Variants in IBTK observed in about 807,000 individuals in gnomAD.
IBTK encodes BTK-binding protein.
A neutral mutation model predicts 154.9 loss-of-function variants in IBTK; 83 were observed. That is an observed-to-expected ratio of 0.54 (90% CI 0.45 to 0.64). IBTK has a LOEUF of 0.64. Ranked by LOEUF, IBTK falls within the 30% of genes least tolerant of loss-of-function variation. The pLI is 0.00. For missense variants in IBTK, 1,332 were observed against 1,584.6 expected, an observed-to-expected ratio of 0.84 and a Z score of 2.71; for synonymous variants, 515 against 536.1, an observed-to-expected ratio of 0.96 and a Z score of 0.54.
chr6:82,212,243 C>T (rs1471605914), intron 13 of IBTK, among the ~76,000 whole-genome samples: 1 of 152,116 alleles, frequency 6.6e-6, no homozygotes, highest in Non-Finnish European at 1.5e-5. Flanking sequence ...GCCTCGGCCC[C>T]CCAAAGTGCT....
chr6:82,191,385 C>T, intron 24 of IBTK, 169 bp from the exon 25 acceptor site: 1 of 616,310 alleles, frequency 1.6e-6, no homozygotes, highest in Non-Finnish European at 2.7e-6. Flanking sequence ...ATTATTGGAT[C>T]AAAATGCTCA....
chr6:82,175,145 C>T lies in IBTK; in HGVS notation c.3726-1707G>A, dbSNP rs190776097. The T allele has an allele frequency of 1.6e-3, 410 of 260,482 alleles. 3 individuals are homozygous for T. The highest frequency in any genetic ancestry group is 7.6e-3 in the African/African-American group (332 of 43,856). 16.1% of individuals were successfully genotyped at this position (260,482 alleles called of 1,614,324 possible). On this transcript the variant is annotated intron_variant, in intron 26 of 28. Transcript: ENST00000306270. Reference sequence around the variant, plus strand: ...GTCCACCAGAATACTTGGAAATAGTCGTTTATGAAAAATTAATTAGAAAAT... The same window carrying T: ...GTCCACCAGAATACTTGGAAATAGTTGTTTATGAAAAATTAATTAGAAAAT...
intron 2 of IBTK, among the ~76,000 whole-genome samples, chr6:82,239,877 T>C (rs763211036): frequency 1.3e-5 from 2 of 152,218 alleles, no homozygotes; most frequent in Admixed American, 1.3e-4. Context: ...CATTAAATGA[T>C]GTATGGGATT....
chr6:82,200,245 A>G lies in IBTK; in HGVS notation c.2921T>C (p.Met974Thr). The G allele has an allele frequency of 6.2e-7, 1 of 1,610,588 alleles. No homozygotes were observed. Among genetic ancestry groups the G allele is most frequent in the Non-Finnish European group, 8.5e-7 (1 of 1,177,082 alleles). The change falls in exon 21 of 29, where the codon ATG (methionine) becomes ACG (threonine). Residue 974 changes from methionine to threonine, a missense_variant. Met to Thr is a moderately conservative substitution (Grantham distance 81). Coordinates refer to ENST00000306270, the MANE Select transcript of IBTK (RefSeq NM_015525.4). ...INMEQNHSET[M>T]FKKAKTKAKK... ...AGCTTTTGTTTTTGCTTTCTTGAAC[A>G]TAGTTTCCCTAGGAAAAAGCAAACA...
At chr6:82,236,898 T>TAATAA (rs892237317) in intron 2 of IBTK, among the ~76,000 whole-genome samples, 3 of 152,314 alleles carry the variant, frequency 2.0e-5, no homozygotes, top group African/African-American at 7.2e-5. Flanking sequence ...GAATGGTTAA[T>TAATAA]ACAGGATTTA....
At chr6:82,171,843 A>G (rs1562064708) in intron 28 of IBTK, among the ~76,000 whole-genome samples, 3 of 152,352 alleles carry the variant, frequency 2.0e-5, no homozygotes, top group East Asian at 3.9e-4. Context: ...CATTCATTCC[A>G]ATAGCTTTAT....
chr6:82,196,149 A>T, intron 22 of IBTK, 149 bp downstream of exon 22: 1 of 624,064 alleles, frequency 1.6e-6, no homozygotes, highest in Middle Eastern at 4.7e-4. Flanking sequence ...TGTTGTGCAA[A>T]TTTAAGAAAA....
chr6:82,229,511 A>G (rs1770422449), intron 4 of IBTK, among the ~76,000 whole-genome samples: 1 of 152,172 alleles, frequency 6.6e-6, no homozygotes, highest in African/African-American at 2.4e-5. Context: ...CCACAATTCC[A>G]ATCAATCATT....
chr6:82,220,679 C>A lies in IBTK; in HGVS notation c.1159G>T (p.Gly387Cys), dbSNP rs774671938. Residue 387 changes from glycine to cysteine, a missense_variant, in exon 9 of 29, where the codon GGT (glycine) becomes TGT (cysteine). Gly to Cys is a radical substitution (Grantham distance 159, BLOSUM62 -3). Coordinates refer to ENST00000306270, the MANE Select transcript of IBTK (RefSeq NM_015525.4). ...LNLKKVLVSGGHMEYKVDPEH... is the reference protein window; with the variant it reads ...LNLKKVLVSGCHMEYKVDPEH... ...GGATCAACCTTGTATTCCATATGAC[C>A]CCCAGACACAAGAACTTTTTTCAAG... 1.2e-6 allele frequency: 2 copies of A among 1,600,892 alleles called. No individual in the cohort carries two copies. The highest frequency in any genetic ancestry group is 1.1e-5 in the South Asian group (1 of 88,318).
chr6:82,200,687 C>G lies in IBTK; in HGVS notation c.2812G>C (p.Val938Leu). ...GGTCCATCTTGATATGGTGTAATGA[C>G]TCTTCTATCCATTGCTGGAATCTGC... is the stretch of plus-strand genomic sequence containing the variant. ...RKMIPAMDRRVITPYQDGPDI... is the reference protein window; with the variant it reads ...RKMIPAMDRRLITPYQDGPDI... Residue 938 changes from valine (V) to leucine (L), a missense_variant, in exon 20 of 29, where the codon GTC becomes CTC. By Grantham distance (32) the Val-to-Leu change is conservative. This residue lies in a region of IBTK where 1,134 missense variants were observed against 1,274.7 expected (regional missense o/e 0.89). Coordinates refer to ENST00000306270, the MANE Select transcript of IBTK (RefSeq NM_015525.4). 2 of 1,576,448 alleles carry G rather than the reference C, an allele frequency of 1.3e-6. No individual in the cohort carries two copies. The highest frequency in any genetic ancestry group is 1.7e-6 in the Non-Finnish European group (2 of 1,167,668).
At chr6:82,175,086 C>A (rs1425153859) in intron 26 of IBTK, 1 of 448,042 alleles carries the variant, frequency 2.2e-6, no homozygotes, top group African/African-American at 2.0e-5. Flanking sequence ...TCTTGGGGAA[C>A]AGGACTGTGT....
At chr6:82,247,098 T>C (rs1211646125) in intron 1 of IBTK, among the ~76,000 whole-genome samples, 3 of 152,132 alleles carry the variant, frequency 2.0e-5, no homozygotes, top group Admixed American at 6.5e-5. Context: ...CCTTTTTACA[T>C]AGCAATCAAT....
chr6:82,220,734 T>C (rs1387667097), intron 8 of IBTK, 21 bp from the exon 9 acceptor site: 6 of 1,402,914 alleles, frequency 4.3e-6, no homozygotes, highest in Non-Finnish European at 5.8e-6. Context: ...AAAAAAAAAA[T>C]CCTAGATTAA....
intron 26 of IBTK, among the ~76,000 whole-genome samples, chr6:82,179,305 T>C (rs1768228275): frequency 6.6e-6 from 1 of 152,216 alleles, no homozygotes; most frequent in Non-Finnish European, 1.5e-5. Flanking sequence ...ATGTTTTGTC[T>C]ATATTTTTGT....
rs1039548111 is a variant in IBTK, at chr6:82,171,160, G to A, written c.*265C>T. Reference sequence around the variant, plus strand: ...GATTCAATCACTTATATTTTCCTTTGTTAGATTATTCAGAAGAAACAATTC... The same window carrying A: ...GATTCAATCACTTATATTTTCCTTTATTAGATTATTCAGAAGAAACAATTC... On this transcript the variant is annotated 3_prime_UTR_variant, in exon 29 of 29. Coordinates refer to ENST00000306270, the MANE Select transcript of IBTK (RefSeq NM_015525.4). The A allele has an allele frequency of 1.4e-5, 3 of 215,446 alleles. No homozygotes were observed. Among genetic ancestry groups the A allele is most frequent in the African/African-American group, 6.9e-5 (3 of 43,264 alleles). The allele number at this position is 215,446 out of a possible 1,614,324, so 13.3% of individuals were successfully genotyped here. A position where few individuals can be genotyped will look rare whatever the true frequency, so the allele number is the denominator to read the frequency against.
chr6:82,204,404 G>C (rs921022834), intron 17 of IBTK, among the ~76,000 whole-genome samples: 3 of 152,070 alleles, frequency 2.0e-5, no homozygotes, highest in East Asian at 1.9e-4. Context: ...ATAATGAAGA[G>C]AGCAAGAAAG....
At chr6:82,183,642 T>A (rs927746141) in intron 25 of IBTK, among the ~76,000 whole-genome samples, 1 of 152,110 alleles carries the variant, frequency 6.6e-6, no homozygotes, top group Non-Finnish European at 1.5e-5. Flanking sequence ...TACATGAGAA[T>A]AAAATATCCC....
At chr6:82,220,557 T>G (rs573034127) in intron 9 of IBTK, 33 bp downstream of exon 9, 1 of 1,570,234 alleles carries the variant, frequency 6.4e-7, no homozygotes, top group South Asian at 1.2e-5. Context: ...CAACTGAGAG[T>G]AAGATTACAC....
rs552997607 is a variant in IBTK at position 82,235,338 on chromosome 6, A to G, written c.322-1083T>C. ...CTGCCGGGCGCAGTGGCTCATGACTATAATCCCAGCACTTTGGGAGGTGGG... is the reference window on the plus strand; with the variant it reads ...CTGCCGGGCGCAGTGGCTCATGACTGTAATCCCAGCACTTTGGGAGGTGGG... On this transcript the variant is annotated intron_variant, in intron 2 of 28. Transcript: ENST00000306270. Among the ~76,000 whole-genome samples the G allele has an allele frequency of 5.3e-5, 8 of 152,170 alleles. No homozygotes were observed. The East Asian group carries it at 5.8e-4, about 11-fold the overall frequency.
Sources: gnomAD v4.1 joint callset for allele counts (sites outside exome capture counted in the v4.1 genomes callset) on GRCh38, gnomAD v4.1.1 for gene constraint, gnomAD v4.1.1 regional missense constraint, MANE v1.5 for transcripts, NCBI Gene and HGNC (gene_info 2026-07-23, HGNC 2026-07-21) for gene names.